Variants in KDM5A observed in about 807,000 individuals in gnomAD.
KDM5A encodes lysine demethylase 5A.
A neutral mutation model predicts 193.5 loss-of-function variants in KDM5A; 42 were observed. The ratio of observed to expected loss-of-function variants is 0.22; its 90% CI spans 0.17 to 0.28. The LOEUF (loss-of-function observed/expected upper bound fraction) is 0.28. Ranked by LOEUF, KDM5A falls within the 10% of genes least tolerant of loss-of-function variation. KDM5A has a pLI of 1.00. For synonymous variants in KDM5A, 796 were observed against 718.1 expected, an observed-to-expected ratio of 1.11 and a Z score of -1.73; for missense variants, 1,692 against 2,055.1, an observed-to-expected ratio of 0.82 and a Z score of 3.42.
At chr12:359,072 T>C (rs112766536) in intron 5 of KDM5A, among the ~76,000 whole-genome samples, 9 of 151,216 alleles carry the variant, frequency 6.0e-5, no homozygotes, top group African/African-American at 1.9e-4. Context: ...AATTTTACAG[T>C]CTTAAACACT....
At chr12:335,898 C>T (rs953738419) in intron 10 of KDM5A, among the ~76,000 whole-genome samples, 1 of 151,664 alleles carries the variant, frequency 6.6e-6, no homozygotes, top group African/African-American at 2.4e-5. Flanking sequence ...AAAAAATTAG[C>T]TGGGCATGGT....
At chr12:353,151 C>T (rs145825922) in intron 8 of KDM5A, among the ~76,000 whole-genome samples, 1 of 151,990 alleles carries the variant, frequency 6.6e-6, no homozygotes, top group Non-Finnish European at 1.5e-5. Flanking sequence ...TTAGACCAGC[C>T]TGGCCAACAT....
intron 27 of KDM5A, among the ~76,000 whole-genome samples, chr12:289,858 G>T (rs1943267720): frequency 6.7e-6 from 1 of 149,538 alleles, no homozygotes. Flanking sequence ...TTGCTGCATG[G>T]TATCTTAAAG....
In KDM5A at chr12:328,908, G is replaced by C; in HGVS notation, c.1895C>G (p.Ala632Gly). The stretch of plus-strand genomic sequence containing the variant: ...AGTCAATTCTTTGCAGACCATGGCA[G>C]CCAGCCCCACATCTAAGCATTCTGG... ...ADPECLDVGL[A>G]AMVCKELTLM... The change falls in exon 14 of 28, where the codon GCT becomes GGT. Residue 632 changes from alanine to glycine, a missense_variant. Transcript: ENST00000399788. 6.2e-7 allele frequency: 1 copy of C among 1,614,192 alleles called. No individual in the cohort carries two copies. The highest frequency in any genetic ancestry group is 8.5e-7 in the Non-Finnish European group (1 of 1,180,020).
chr12:382,735 C>T (rs1208070598), intron 3 of KDM5A, among the ~76,000 whole-genome samples: 2 of 151,948 alleles, frequency 1.3e-5, no homozygotes, highest in African/African-American at 4.8e-5. Flanking sequence ...AGTTCGAGAC[C>T]AGCCTGACTA....
At chr12:380,032 G>A (rs1944555851) in intron 3 of KDM5A, among the ~76,000 whole-genome samples, 1 of 152,060 alleles carries the variant, frequency 6.6e-6, no homozygotes, top group African/African-American at 2.4e-5. Flanking sequence ...ATTTTGGGAG[G>A]CCAAGATGGG....
chr12:286,839 T>C (rs1446720865), intron 27 of KDM5A, among the ~76,000 whole-genome samples: 2 of 152,194 alleles, frequency 1.3e-5, no homozygotes, highest in African/African-American at 2.4e-5. Context: ...CAAAATGATA[T>C]TCTACTTGTT....
rs2137365450 is a variant in KDM5A, at chr12:293,000, G to A, written c.4625C>T (p.Ala1542Val). 4 of 1,593,306 alleles carry A rather than the reference G, an allele frequency of 2.5e-6. No homozygotes were observed. The highest frequency in any genetic ancestry group is 3.4e-6 in the Non-Finnish European group (4 of 1,175,038). Residue 1542 changes from alanine (A) to valine (V), a missense_variant, in exon 27 of 28, where the codon GCA (alanine) becomes GTA (valine). By Grantham distance (64) the Ala-to-Val change is moderately conservative (BLOSUM62 0). Around this residue, in one of 11 missense-constraint regions of KDM5A, gnomAD observed 965 missense variants for 1,061.0 expected, o/e 0.91. Coordinates refer to ENST00000399788, the MANE Select transcript of KDM5A (RefSeq NM_001042603.3). ...KPRKKKLKLGADKSKELNKLA... is the reference protein window; with the variant it reads ...KPRKKKLKLGVDKSKELNKLA... ...TTTATTCAGCTCCTTTGATTTGTCT[G>A]CACCTAATTTTAATTTCTTCTTTCT...
intron 14 of KDM5A, among the ~76,000 whole-genome samples, chr12:325,892 T>C (rs757612820): frequency 6.6e-5 from 10 of 152,112 alleles, no homozygotes; most frequent in Non-Finnish European, 1.5e-4. Context: ...TGAACGCCTG[T>C]AATCCCAGCT....
intron 9 of KDM5A, 46 bp downstream of exon 9, chr12:352,159 A>G (rs1565543178): frequency 6.7e-7 from 1 of 1,499,452 alleles, no homozygotes. Context: ...GTACTCAGGT[A>G]AATCTTTGTA....
At chr12:317,675 T>C (rs930676639) in intron 19 of KDM5A, among the ~76,000 whole-genome samples, 19 of 152,330 alleles carry the variant, frequency 1.2e-4, no homozygotes, top group Admixed American at 1.0e-3. Context: ...AGAAAACCAG[T>C]TGTCGGAGCC....
intron 2 of KDM5A, among the ~76,000 whole-genome samples, chr12:384,933 T>C (rs1944621461): frequency 6.6e-6 from 1 of 152,194 alleles, no homozygotes; most frequent in African/African-American, 2.4e-5. Context: ...CTCACGCCTG[T>C]AATCCCAGCA....
intron 10 of KDM5A, among the ~76,000 whole-genome samples, chr12:346,138 C>T (rs1944071768): frequency 6.6e-6 from 1 of 152,136 alleles, no homozygotes; most frequent in Admixed American, 6.6e-5. Flanking sequence ...ACTATAAACA[C>T]CTCTACACAA....
chr12:347,684 C>T (rs936710439), intron 10 of KDM5A, among the ~76,000 whole-genome samples: 4 of 152,012 alleles, frequency 2.6e-5, no homozygotes, highest in African/African-American at 9.7e-5. Context: ...ATTTAATAAA[C>T]GGTCCTGGGA....
intron 3 of KDM5A, among the ~76,000 whole-genome samples, chr12:380,925 G>A (rs1192307218): frequency 4.0e-5 from 6 of 151,794 alleles, no homozygotes; most frequent in Admixed American, 3.9e-4. Flanking sequence ...CTCCTGAGCA[G>A]ATGGAATTAC....
intron 1 of KDM5A, chr12:388,239 G>A (rs1313642208): frequency 4.4e-6 from 2 of 455,044 alleles, no homozygotes; most frequent in Non-Finnish European, 8.8e-6. Context: ...TTACCTCAAA[G>A]GTGAGATTAT....
rs1245307215 is a variant in KDM5A, at chr12:307,778, G to T, written c.3606C>A (p.Ser1202Arg). The T allele has an allele frequency of 6.2e-7, 1 of 1,614,210 alleles. No homozygotes were observed. The highest frequency in any genetic ancestry group is 1.3e-5 in the African/African-American group (1 of 75,058). ...PKSSSQKKGS[S>R]WQAKEVKFLC... ...GGAATTTTACTTCTTTAGCTTGCCA[G>T]CTGGATCCTTTTTTTTGGGAACTTG... The change falls in exon 23 of 28, where the codon AGC becomes AGA. Residue 1202 changes from serine (S) to arginine (R), a missense_variant. By Grantham distance (110) the Ser-to-Arg change is moderately radical. Transcript: ENST00000399788. The surrounding 1 kb of genome is among the most constrained non-coding windows in gnomAD (Gnocchi z 4.3).
At chr12:373,405 T>G (rs1410887933) in intron 3 of KDM5A, among the ~76,000 whole-genome samples, 1 of 152,232 alleles carries the variant, frequency 6.6e-6, no homozygotes, top group African/African-American at 2.4e-5. Flanking sequence ...CTGATGGTAG[T>G]TTGTATTTCT....
chr12:291,730 A>G (rs1565523003), intron 27 of KDM5A, among the ~76,000 whole-genome samples: 2 of 152,302 alleles, frequency 1.3e-5, no homozygotes, highest in Non-Finnish European at 2.9e-5. Context: ...AGATTTATCA[A>G]TATTCTTGAT....
Sources: allele counts gnomAD v4.1 joint callset (sites outside exome capture counted in the v4.1 genomes callset), GRCh38; gene constraint gnomAD v4.1.1; regional missense constraint gnomAD v4.1.1; non-coding constraint Gnocchi (gnomAD v3.1); transcripts MANE v1.5; gene names NCBI Gene and HGNC (gene_info 2026-07-23, HGNC 2026-07-21).